SLC9A9: variants seen among roughly 807,000 people sequenced by gnomAD.
SLC9A9 encodes solute carrier family 9 member A9.
SLC9A9 carries 62 observed loss-of-function variants against 77.8 expected under a neutral mutation model. The ratio of observed to expected loss-of-function variants is 0.80; its 90% CI spans 0.65 to 0.98. SLC9A9 has a LOEUF of 0.98. Among genes scored for constraint, SLC9A9 ranks in the 50% least tolerant of loss-of-function variants. The pLI, the probability that SLC9A9 is intolerant of heterozygous loss-of-function variation, is 0.00. For missense variants in SLC9A9, 775 were observed against 774.9 expected, an observed-to-expected ratio of 1.00 and a Z score of 0.00; for synonymous variants, 320 against 283.5, an observed-to-expected ratio of 1.13 and a Z score of -1.29.
chr3:143,659,878 C>G (rs576913778), intron 5 of SLC9A9, among the ~76,000 whole-genome samples: 4 of 152,200 alleles, frequency 2.6e-5, no homozygotes, highest in Non-Finnish European at 5.9e-5. Flanking sequence ...GTAATTAAAT[C>G]ATGAGGAGCT....
At position 143,578,682 on chromosome 3, in the gene SLC9A9, A is replaced by G; in HGVS notation, c.797T>C (p.Phe266Ser). 5.0e-6 allele frequency: 8 copies of G among 1,614,104 alleles called. No homozygotes were observed. Among genetic ancestry groups the G allele is most frequent in the Non-Finnish European group, 6.8e-6 (8 of 1,179,950 alleles). Residue 266 changes from phenylalanine to serine, a missense_variant, in exon 7 of 16, where the codon TTT (phenylalanine) becomes TCT (serine). Phe to Ser is a radical substitution (Grantham distance 155, BLOSUM62 -2). Coordinates refer to ENST00000316549, the MANE Select transcript of SLC9A9 (RefSeq NM_173653.4). ...IYSPKENPNAFDAAAFFQSVG... is the reference protein window; with the variant it reads ...IYSPKENPNASDAAAFFQSVG... ...AGACTGGAAGAATGCTGCGGCATCA[A>G]ATGCATTTGGATTCTCCTTGGGACT... is the stretch of plus-strand genomic sequence containing the variant.
At chr3:143,446,869 G>GGT (rs1450072443) in intron 12 of SLC9A9, among the ~76,000 whole-genome samples, 1 of 127,228 alleles carries the variant, frequency 7.9e-6, no homozygotes, top group Non-Finnish European at 1.6e-5. Flanking sequence ...ATATAAGGTA[G>GGT]GTGTGTATGT....
intron 4 of SLC9A9, among the ~76,000 whole-genome samples, chr3:143,748,396 T>C (rs953839649): frequency 1.6e-4 from 24 of 152,178 alleles, no homozygotes; most frequent in African/African-American, 5.8e-4. Flanking sequence ...ATTAAGATGC[T>C]TCAAGCCCAA....
intron 6 of SLC9A9, among the ~76,000 whole-genome samples, chr3:143,650,960 C>A (rs772470730): frequency 1.3e-5 from 2 of 152,196 alleles, no homozygotes; most frequent in African/African-American, 2.4e-5. Context: ...AAAGGCCAAA[C>A]CTTTCCTGGT....
chr3:143,806,907 A>G (rs1467945184), intron 2 of SLC9A9, among the ~76,000 whole-genome samples: 1 of 152,228 alleles, frequency 6.6e-6, no homozygotes, highest in Non-Finnish European at 1.5e-5. Flanking sequence ...GAAATAATAA[A>G]TGCTTGAGGA....
At chr3:143,743,257 A>G (rs183485138) in intron 4 of SLC9A9, among the ~76,000 whole-genome samples, 31 of 145,278 alleles carry the variant, frequency 2.1e-4, no homozygotes, top group African/African-American at 5.8e-4. Flanking sequence ...ATAGATAGAT[A>G]GATAGATAGA....
At chr3:143,847,424 G>A (rs1003432620) in intron 1 of SLC9A9, among the ~76,000 whole-genome samples, 7 of 152,210 alleles carry the variant, frequency 4.6e-5, no homozygotes, top group African/African-American at 1.4e-4. Flanking sequence ...GGAATGATAC[G>A]GTAAGTTGCC....
Position 143,708,755 on chromosome 3 carries a change from A to G in SLC9A9, c.534-15448T>C, listed in dbSNP as rs76124473. On this transcript the variant is annotated intron_variant, in intron 4 of 15. Coordinates refer to ENST00000316549, the MANE Select transcript of SLC9A9 (RefSeq NM_173653.4). ...TCTGCCTTCTGTATTTTCTGTTCCC[A>G]TCTCCATTCCATGTACCCATTACCC... is the stretch of plus-strand genomic sequence containing the variant. 6.7e-3 allele frequency among the ~76,000 whole-genome samples: 1,021 copies of G among 152,246 alleles called. 14 individuals carry two copies. Among genetic ancestry groups the G allele is most frequent in the African/African-American group, 0.023 (964 of 41,544 alleles).
intron 13 of SLC9A9, among the ~76,000 whole-genome samples, chr3:143,370,418 A>G (rs2033023055): frequency 2.0e-5 from 3 of 152,210 alleles, no homozygotes; most frequent in Middle Eastern, 3.2e-3. Context: ...AAGACAAAAA[A>G]TGATGGACCA....
chr3:143,448,349 G>A (rs1278209253), intron 12 of SLC9A9, among the ~76,000 whole-genome samples: 2 of 152,084 alleles, frequency 1.3e-5, no homozygotes, highest in African/African-American at 4.8e-5. Flanking sequence ...TACTGAGTCT[G>A]GAAAGATTTC....
chr3:143,522,362 T>C (rs2036316401), intron 9 of SLC9A9, among the ~76,000 whole-genome samples: 1 of 152,174 alleles, frequency 6.6e-6, no homozygotes, highest in South Asian at 2.1e-4. Context: ...GTTGACTACC[T>C]TGTGCCAATA....
At chr3:143,369,228 A>G (rs1217166958) in intron 13 of SLC9A9, among the ~76,000 whole-genome samples, 2 of 152,320 alleles carry the variant, frequency 1.3e-5, no homozygotes, top group East Asian at 3.9e-4. Flanking sequence ...AAAATATAAT[A>G]TGATAATTAT....
intron 12 of SLC9A9, among the ~76,000 whole-genome samples, chr3:143,420,788 G>T (rs543174335): frequency 1.3e-5 from 2 of 152,066 alleles, no homozygotes; most frequent in Non-Finnish European, 2.9e-5. Flanking sequence ...CTCAAATCAG[G>T]CAAGAGAAAG....
intron 6 of SLC9A9, among the ~76,000 whole-genome samples, chr3:143,608,564 C>A (rs2037964824): frequency 1.3e-5 from 2 of 152,188 alleles, no homozygotes; most frequent in South Asian, 2.1e-4. Flanking sequence ...GTTATGCAGA[C>A]AAACAATATT....
intron 9 of SLC9A9, chr3:143,504,070 A>T (rs1176228035): frequency 1.4e-5 from 7 of 502,234 alleles, no homozygotes; most frequent in Non-Finnish European, 2.8e-5. Context: ...TCCACTGATG[A>T]CAAGCTTCCC....
intron 14 of SLC9A9, among the ~76,000 whole-genome samples, chr3:143,287,314 C>CTAA (rs375364489): frequency 2.6e-4 from 39 of 152,176 alleles, no homozygotes; most frequent in Middle Eastern, 6.8e-3. Flanking sequence ...TAGAAACTCA[C>CTAA]TAATAAAGCA....
chr3:143,829,852 T>C (rs2108887548), intron 2 of SLC9A9, among the ~76,000 whole-genome samples: 1 of 152,298 alleles, frequency 6.6e-6, no homozygotes, highest in Middle Eastern at 3.4e-3. Flanking sequence ...AGCCAGGCAC[T>C]TTATACACAT....
At chr3:143,468,572 A>C (rs180937312) in intron 11 of SLC9A9, among the ~76,000 whole-genome samples, 1 of 152,172 alleles carries the variant, frequency 6.6e-6, no homozygotes, top group African/African-American at 2.4e-5. Flanking sequence ...GTTATTTTGC[A>C]TTTCCATAAA....
At chr3:143,697,709 CA>C (rs1933681335) in intron 4 of SLC9A9, among the ~76,000 whole-genome samples, 1 of 148,954 alleles carries the variant, frequency 6.7e-6, no homozygotes, top group African/African-American at 2.5e-5. Flanking sequence ...CACACACACA[CA>C]CACACCCCAC....
Sources: gnomAD v4.1 joint callset for allele counts (sites outside exome capture counted in the v4.1 genomes callset) on GRCh38, gnomAD v4.1.1 for gene constraint, MANE v1.5 for transcripts, NCBI Gene and HGNC (gene_info 2026-07-23, HGNC 2026-07-21) for gene names.